Variants in PTGFRN observed in about 807,000 individuals in gnomAD.
PTGFRN encodes prostaglandin F2 receptor inhibitor, also known as prostaglandin F2 receptor negative regulator.
Under a neutral mutation model 83.2 loss-of-function variants are expected in PTGFRN, and 35 were observed. The observed-to-expected ratio is 0.42, with a 90% CI of 0.32 to 0.56. The LOEUF is 0.56. Among genes scored for constraint, PTGFRN ranks in the 20% least tolerant of loss-of-function variants. The probability of loss-of-function intolerance (pLI) is 0.11; values close to 1 mark genes in which losing one functional copy is unlikely to be tolerated. For synonymous variants in PTGFRN, 519 were observed against 498.6 expected, an observed-to-expected ratio of 1.04 and a Z score of -0.55; for missense variants, 1,051 against 1,179.5, an observed-to-expected ratio of 0.89 and a Z score of 1.60.
At chr1:116,937,681 T>C (rs768885503) in intron 1 of PTGFRN, among the ~76,000 whole-genome samples, 5 of 152,182 alleles carry the variant, frequency 3.3e-5, no homozygotes, top group African/African-American at 9.7e-5. Flanking sequence ...TGCAGTCTCA[T>C]GCTTGTGGGT....
chr1:116,966,628 G>A (rs1222921255), intron 5 of PTGFRN, among the ~76,000 whole-genome samples: 1 of 152,038 alleles, frequency 6.6e-6, no homozygotes, highest in Non-Finnish European at 1.5e-5. Flanking sequence ...GATTCTTCCT[G>A]GTGAAACTTC....
chr1:116,937,584 G>A (rs1649953781), intron 1 of PTGFRN, among the ~76,000 whole-genome samples: 1 of 152,166 alleles, frequency 6.6e-6, no homozygotes, highest in African/African-American at 2.4e-5. Flanking sequence ...TGGCAGCCCT[G>A]TGGAAGGATT....
intron 7 of PTGFRN, 101 bp from the exon 8 acceptor site, chr1:116,984,579 G>A: frequency 1.8e-6 from 2 of 1,128,856 alleles, no homozygotes; most frequent in Non-Finnish European, 2.6e-6. Context: ...ATGTAGTGTT[G>A]TGCTTGCCAT....
At chr1:116,940,650 C>T (rs964757099) in intron 1 of PTGFRN, among the ~76,000 whole-genome samples, 1 of 152,142 alleles carries the variant, frequency 6.6e-6, no homozygotes, top group Non-Finnish European at 1.5e-5. Flanking sequence ...TAGACTCTCA[C>T]CTAGACATTT....
intron 7 of PTGFRN, among the ~76,000 whole-genome samples, chr1:116,981,684 T>C (rs528006870): frequency 6.6e-6 from 1 of 152,372 alleles, no homozygotes; most frequent in East Asian, 1.9e-4. Context: ...ATTTTGGCCC[T>C]GTGGGCCAGA....
rs1650372099 is a variant in PTGFRN at position 116,952,269 on chromosome 1, G to T, written c.1213+2697G>T. 6.6e-6 allele frequency among the ~76,000 whole-genome samples: 1 copy of T among 152,148 alleles called. No individual in the cohort carries two copies. Among genetic ancestry groups the T allele is most frequent in the African/African-American group, 2.4e-5 (1 of 41,418 alleles). On this transcript the variant is annotated intron_variant, in intron 4 of 8. Coordinates refer to ENST00000393203, the MANE Select transcript of PTGFRN (RefSeq NM_020440.4). The surrounding 1 kb of genome is among the most constrained non-coding windows in gnomAD (Gnocchi z 4.0). ...TTGTCTTCATTTGCTTGGGGCTTGT[G>T]TACTGAGCTAGGTGAGGGGATTGAA... is the stretch of plus-strand genomic sequence containing the variant.
intron 4 of PTGFRN, among the ~76,000 whole-genome samples, chr1:116,955,565 G>A (rs1290077154): frequency 1.3e-5 from 2 of 152,076 alleles, no homozygotes; most frequent in African/African-American, 4.8e-5. Flanking sequence ...ACTTTAGTAT[G>A]CATCTTTAAT....
At chr1:116,945,159 G>T (rs976890642) in intron 3 of PTGFRN, 67 bp downstream of exon 3, 3 of 1,521,340 alleles carry the variant, frequency 2.0e-6, no homozygotes, top group Non-Finnish European at 2.6e-6. Flanking sequence ...ACAAAGAACC[G>T]GGCCAGGGAG....
Position 116,958,510 on chromosome 1 carries a change from C to G in PTGFRN, c.1214-2733C>G, listed in dbSNP as rs1650559146. Among the ~76,000 whole-genome samples the G allele has an allele frequency of 6.6e-6, 1 of 152,186 alleles. No individual in the cohort carries two copies. The highest frequency in any genetic ancestry group is 1.5e-5 in the Non-Finnish European group (1 of 68,038). On this transcript the variant is annotated intron_variant, in intron 4 of 8. Transcript: ENST00000393203. This position sits in a 1 kb window ranked among gnomAD's most constrained non-coding sequence, Gnocchi z 4.9. ...CCAAGTCACTAACTTCTTTAAAGCT[C>G]TCCCCTCAGAAATGGGAACTGTGAA...
intron 4 of PTGFRN, among the ~76,000 whole-genome samples, chr1:116,957,274 C>T (rs968349645): frequency 2.0e-5 from 3 of 151,956 alleles, no homozygotes; most frequent in Admixed American, 2.0e-4. Flanking sequence ...TTAGAATGCC[C>T]AGACCTCAGC....
At chr1:116,936,918 A>G (rs1489027947) in intron 1 of PTGFRN, among the ~76,000 whole-genome samples, 1 of 152,240 alleles carries the variant, frequency 6.6e-6, no homozygotes, top group East Asian at 1.9e-4. Flanking sequence ...TCTACTGGGG[A>G]AAAAAGAAAA....
chr1:116,961,453 A>G lies in PTGFRN; in HGVS notation c.1424A>G (p.Tyr475Cys), dbSNP rs1650660982. The G allele has an allele frequency of 1.9e-6, 3 of 1,614,060 alleles. No homozygotes were observed. The highest frequency in any genetic ancestry group is 1.1e-5 in the South Asian group (1 of 91,084). Residue 475 changes from tyrosine to cysteine, a missense_variant, in exon 5 of 9, where the codon TAT becomes TGT. Tyr to Cys is a radical substitution (Grantham distance 194). Transcript: ENST00000393203. The surrounding 1 kb of genome is among the most constrained non-coding windows in gnomAD (Gnocchi z 5.4). ...AVMDGDWTLK[Y>C]GERSKQRAQD... is the part of the protein sequence containing the mutation. ...ATGGACGGGGACTGGACGCTAAAAT[A>G]TGGAGAGAGGAGCAAGCAGCGGGCC...
In PTGFRN at chr1:116,918,142, G is replaced by A. The variant is rs371309147; in HGVS notation, c.49+7890G>A. ...TTGTATTACAAATAAACCATTACAT[G>A]TGTGTTTTTAAAATCTACTTCTGTT... On this transcript the variant is annotated intron_variant, in intron 1 of 8. Coordinates refer to ENST00000393203, the MANE Select transcript of PTGFRN (RefSeq NM_020440.4). This position sits in a 1 kb window ranked among gnomAD's most constrained non-coding sequence, Gnocchi z 4.1. Among the ~76,000 whole-genome samples, 1 of 152,264 alleles carries A rather than the reference G, an allele frequency of 6.6e-6. No homozygotes were observed. The highest frequency in any genetic ancestry group is 1.9e-4 in the East Asian group (1 of 5,182).
chr1:116,917,484 G>A (rs1649432645), intron 1 of PTGFRN, among the ~76,000 whole-genome samples: 1 of 152,144 alleles, frequency 6.6e-6, no homozygotes, highest in Non-Finnish European at 1.5e-5. Context: ...CAGAGAGGAG[G>A]GAAGGGAGAG....
At chr1:116,968,573 T>G (rs1328129728) in intron 6 of PTGFRN, among the ~76,000 whole-genome samples, 1 of 152,236 alleles carries the variant, frequency 6.6e-6, no homozygotes, top group African/African-American at 2.4e-5. Flanking sequence ...ACTATAAAAT[T>G]TACTATATAT....
rs1649470264 is a variant in PTGFRN, at chr1:116,918,822, A to G, written c.49+8570A>G. 6.6e-6 allele frequency among the ~76,000 whole-genome samples: 1 copy of G among 152,176 alleles called. No individual in the cohort carries two copies. The highest frequency in any genetic ancestry group is 1.5e-5 in the Non-Finnish European group (1 of 68,014). On this transcript the variant is annotated intron_variant, in intron 1 of 8. Transcript: ENST00000393203. This position sits in a 1 kb window ranked among gnomAD's most constrained non-coding sequence, Gnocchi z 4.1. ...CAGCATCATGTGGTCTCTCCATGGA[A>G]TGAGAGTGGAAGGATGAGTGATAAA...
At chr1:116,926,370 A>T (rs969955065) in intron 1 of PTGFRN, among the ~76,000 whole-genome samples, 6 of 152,182 alleles carry the variant, frequency 3.9e-5, no homozygotes, top group African/African-American at 1.2e-4. Context: ...GCAGGGAGGG[A>T]TGCTGAGCGG....
In PTGFRN at chr1:116,971,252, C is replaced by T. The variant is rs554160412; in HGVS notation, c.2060-2964C>T. Among the ~76,000 whole-genome samples the T allele has an allele frequency of 7.9e-5, 12 of 151,976 alleles. No individual in the cohort carries two copies. In the South Asian group the frequency reaches 2.1e-3, roughly 26 times the overall value. On this transcript the variant is annotated intron_variant, in intron 6 of 8. Coordinates refer to ENST00000393203, the MANE Select transcript of PTGFRN (RefSeq NM_020440.4). ...CAATTCTAGGTAAACATTAATACCA[C>T]GTTTAATGACTTTACATACTTGAAT...
At chr1:116,985,707 CA>C (rs34050341) in intron 8 of PTGFRN, among the ~76,000 whole-genome samples, 101 of 128,748 alleles carry the variant, frequency 7.8e-4, no homozygotes, top group East Asian at 1.2e-3. Flanking sequence ...TACTCCATCT[CA>C]AAAAAAAAAA....
Sources: gnomAD v4.1 joint callset for allele counts (sites outside exome capture counted in the v4.1 genomes callset) on GRCh38, gnomAD v4.1.1 for gene constraint, Gnocchi (gnomAD v3.1) non-coding constraint, MANE v1.5 for transcripts, NCBI Gene and HGNC (gene_info 2026-07-23, HGNC 2026-07-21) for gene names.